Variants in UPF3B observed in about 807,000 individuals in gnomAD.
UPF3B encodes the protein UPF3B regulator of nonsense mediated mRNA decay.
In UPF3B, 7 loss-of-function variants were observed where a neutral mutation model predicts 40.3. That is an observed-to-expected ratio of 0.17 (90% confidence interval 0.10 to 0.33). UPF3B has a LOEUF of 0.33. UPF3B is among the 10% of genes least tolerant of loss of function. The pLI is 1.00. For synonymous variants in UPF3B, 117 were observed against 117.3 expected (o/e 1.00, Z 0.01); for missense variants, 229 against 358.9 (o/e 0.64, Z 2.93).
intron 3 of UPF3B, among the ~76,000 whole-genome samples, chrX:119,824,024 A>G (rs967986822): frequency 1.9e-4 from 21 of 111,253 alleles, no homozygotes; most frequent in Non-Finnish European, 3.2e-4. Context: ...TGCCTACAAC[A>G]CAAGAAAGGA....
At position 119,827,405 on chromosome X, in the gene UPF3B, A is replaced by AAT. The variant is rs751559836; in HGVS notation, c.392+4245_392+4246dup. Reference sequence around the variant, plus strand: ...CTTGACCTTGGTGGAGCTTATGAGAAATATATATATATACACACAAACACG... The same window carrying AAT: ...CTTGACCTTGGTGGAGCTTATGAGAAATATATATATATATACACACAAACACG... On this transcript the variant is annotated intron_variant, in intron 3 of 6. Transcript: ENST00000636792. 9.2e-3 allele frequency among the ~76,000 whole-genome samples: 975 copies of AAT among 105,924 alleles called. 3 individuals carry two copies. Among genetic ancestry groups the AAT allele is most frequent in the Non-Finnish European group, 9.9e-3 (514 of 52,011 alleles). 92.0% of individuals were successfully genotyped at this position (105,924 alleles called of 115,157 possible).
At chrX:119,832,070 C>A (rs941238915), downstream of UPF3B, among the ~76,000 whole-genome samples, 33 of 111,876 alleles carry the variant, frequency 2.9e-4, no homozygotes, top group South Asian at 1.8e-3. Flanking sequence ...GGCGATCCTC[C>A]CATCTCAGCT....
exon 7 of UPF3B, chrX:119,805,406 T>G (rs1469898250): frequency 1.5e-5 from 2 of 136,048 alleles, no homozygotes; most frequent in Non-Finnish European, 2.7e-5. Context: ...GTTTCCTTCC[T>G]GGAGAGGGTA....
intron 4 of UPF3B, among the ~76,000 whole-genome samples, chrX:119,844,159 T>C (rs754225011): frequency 2.3e-4 from 25 of 111,008 alleles, no homozygotes; most frequent in African/African-American, 8.2e-4. Context: ...CAAGTGATTC[T>C]TCTGCCTCAG....
chrX:119,833,912 A>G, downstream of UPF3B: 1 of 451,737 alleles, frequency 2.2e-6, no homozygotes, highest in Non-Finnish European at 2.8e-6. Flanking sequence ...ACCTTCTGCC[A>G]TGAGTTAAAG....
chrX:119,831,288 C>G (rs1472876019), downstream of UPF3B, among the ~76,000 whole-genome samples: 2 of 109,735 alleles, frequency 1.8e-5, no homozygotes, highest in Non-Finnish European at 3.8e-5. Flanking sequence ...CACCTAAGGC[C>G]ATCAGGACTT....
chrX:119,827,421 C>T (rs991471024), intron 3 of UPF3B, among the ~76,000 whole-genome samples: 3 of 97,696 alleles, frequency 3.1e-5, no homozygotes, highest in African/African-American at 1.2e-4. Flanking sequence ...TATATATACA[C>T]ACAAACACGC....
chrX:119,831,265 T>TA (rs1405201436), downstream of UPF3B, among the ~76,000 whole-genome samples: 1 of 110,973 alleles, frequency 9.0e-6, no homozygotes, highest in Non-Finnish European at 1.9e-5. Flanking sequence ...TTTGGCTGCC[T>TA]AGACAGTCAG....
intron 5 of UPF3B, among the ~76,000 whole-genome samples, chrX:119,811,029 T>C (rs1403372390): frequency 9.1e-6 from 1 of 109,448 alleles, no homozygotes; most frequent in African/African-American, 3.3e-5. Context: ...CTTTTACGTC[T>C]ATTTTCCACA....
intron 5 of UPF3B, among the ~76,000 whole-genome samples, chrX:119,842,580 T>TCTCACACA (rs1556379941): frequency 5.7e-4 from 41 of 71,455 alleles, no homozygotes; most frequent in African/African-American, 2.4e-3. Flanking sequence ...ACTCCATCTC[T>TCTCACACA]CACACACACA....
rs777024655 is a variant in UPF3B at position 119,841,908 on chromosome X, G to A, written c.581-130C>T. 1.4e-4 allele frequency: 71 copies of A among 504,417 alleles called. No individual in the cohort carries two copies. In the East Asian group the frequency reaches 2.1e-3, roughly 15 times the overall value. 41.6% of individuals were successfully genotyped at this position (504,417 alleles called of 1,213,427 possible). On this transcript the variant is annotated intron_variant, in intron 5 of 10. Coordinates refer to ENST00000276201, the MANE Select transcript of UPF3B (RefSeq NM_080632.3). ...CCCCTTATGCAGAAAGATCACAATT[G>A]TAATATCAGAAAGAAGTTTTACAGC...
At chrX:119,846,043 A>C (rs1288241176) in intron 3 of UPF3B, among the ~76,000 whole-genome samples, 1 of 107,030 alleles carries the variant, frequency 9.3e-6, no homozygotes, top group Non-Finnish European at 1.9e-5. Context: ...ATATAAAATT[A>C]TCACGTTGGG....
intron 10 of UPF3B, 69 bp downstream of exon 10, chrX:119,837,688 T>C: frequency 3.6e-6 from 4 of 1,112,990 alleles, no homozygotes; most frequent in South Asian, 1.9e-5. Context: ...CAGTGCCCTT[T>C]ACACTTTCTT....
chrX:119,809,229 CAGG>C (rs35067137), intron 5 of UPF3B, among the ~76,000 whole-genome samples: 2,703 of 111,284 alleles, frequency 0.024, 89 homozygotes, highest in African/African-American at 0.084. Flanking sequence ...CACTCATTAT[CAGG>C]AGAACAGCAT....
chrX:119,842,306 G>A (rs758503049), intron 5 of UPF3B, among the ~76,000 whole-genome samples: 18 of 111,279 alleles, frequency 1.6e-4, no homozygotes, highest in East Asian at 1.4e-3. Flanking sequence ...ATTCCTGGCC[G>A]GGCACAGTGG....
Position 119,843,365 on chromosome X carries a change from C to T in UPF3B, c.470-64G>A, listed in dbSNP as rs2056189940. On this transcript the variant is annotated intron_variant, in intron 4 of 10. Coordinates refer to ENST00000276201, the MANE Select transcript of UPF3B (RefSeq NM_080632.3). The stretch of plus-strand genomic sequence containing the variant: ...TTTAAACAAAAAAAGAAGACATTAT[C>T]TACAATACTGATTTATCAAAGAAGA... 2.8e-5 allele frequency: 22 copies of T among 778,448 alleles called. No individual in the cohort carries two copies. The South Asian group carries it at 4.6e-4, about 16-fold the overall frequency. The allele number at this position is 778,448 out of a possible 1,213,427, so 64.2% of individuals were successfully genotyped here. A position where few individuals can be genotyped will look rare whatever the true frequency, so the allele number is the denominator to read the frequency against.
chrX:119,847,704 T>G (rs746188942), intron 3 of UPF3B, among the ~76,000 whole-genome samples: 33 of 108,926 alleles, frequency 3.0e-4, no homozygotes, highest in African/African-American at 9.4e-4. Context: ...GAGGTGGAGG[T>G]TGCAGTGAGC....
In UPF3B at chrX:119,834,349, T is replaced by C; in HGVS notation, c.*529A>G. 1 of 756,796 alleles carries C rather than the reference T, an allele frequency of 1.3e-6. No individual in the cohort carries two copies. The highest frequency in any genetic ancestry group is 2.3e-5 in the African/African-American group (1 of 43,479). 62.4% of individuals were successfully genotyped at this position (756,796 alleles called of 1,213,427 possible). A position where few individuals can be genotyped will look rare whatever the true frequency, so the allele number is the denominator to read the frequency against. The stretch of plus-strand genomic sequence containing the variant: ...AGAAGTAACATAACTATTTAAATTT[T>C]TGTATCAACGAAAGTGTGTTCTATC... On this transcript the variant is annotated 3_prime_UTR_variant, in exon 11 of 11. Transcript: ENST00000276201.
chrX:119,833,137 C>T (rs2056054118), downstream of UPF3B, among the ~76,000 whole-genome samples: 1 of 111,124 alleles, frequency 9.0e-6, no homozygotes, highest in African/African-American at 3.3e-5. Flanking sequence ...AAAGCAACCA[C>T]GTTGTGTTCA....
Sources: gnomAD v4.1 joint callset for allele counts (sites outside exome capture counted in the v4.1 genomes callset) on GRCh38, gnomAD v4.1.1 for gene constraint, MANE v1.5 for transcripts, NCBI Gene and HGNC (gene_info 2026-07-23, HGNC 2026-07-21) for gene names.